BTBD9: variants seen among roughly 807,000 people sequenced by gnomAD.
BTBD9 encodes BTB domain containing 9.
BTBD9 carries 49 observed loss-of-function variants against 64.3 expected under a neutral mutation model. The ratio of observed to expected loss-of-function variants is 0.76; its 90% CI spans 0.61 to 0.97. BTBD9 has a LOEUF of 0.97. Among genes scored for constraint, BTBD9 ranks in the 50% least tolerant of loss-of-function variants. The pLI is 0.00. For synonymous variants in BTBD9, 260 were observed against 274.7 expected (o/e 0.95, Z 0.53); for missense variants, 598 against 762.1 (o/e 0.78, Z 2.53).
chr6:38,594,411 T>C (rs763292857), intron 2 of BTBD9, 84 bp from the exon 3 acceptor site: 1 of 1,437,484 alleles, frequency 7.0e-7, no homozygotes, highest in Non-Finnish European at 9.2e-7. Flanking sequence ...ATCAACATTA[T>C]GCAAATATAA....
At chr6:38,444,116 C>A (rs184520006) in intron 6 of BTBD9, among the ~76,000 whole-genome samples, 107 of 152,278 alleles carry the variant, frequency 7.0e-4, no homozygotes, top group African/African-American at 2.5e-3. Flanking sequence ...TCCTTATCTA[C>A]CTCAGCTCTA....
intron 7 of BTBD9, among the ~76,000 whole-genome samples, chr6:38,305,395 T>C (rs928636942): frequency 2.0e-5 from 3 of 152,214 alleles, no homozygotes; most frequent in African/African-American, 7.2e-5. Flanking sequence ...TATTGTTTGA[T>C]GGAGAAAACA....
At chr6:38,554,764 T>C (rs1417649964) in intron 6 of BTBD9, among the ~76,000 whole-genome samples, 4 of 152,138 alleles carry the variant, frequency 2.6e-5, no homozygotes, top group African/African-American at 9.7e-5. Context: ...CAAAAAGGAA[T>C]GGTATCCTCA....
intron 6 of BTBD9, among the ~76,000 whole-genome samples, chr6:38,554,246 G>T (rs766878591): frequency 6.6e-6 from 1 of 152,142 alleles, no homozygotes; most frequent in Non-Finnish European, 1.5e-5. Flanking sequence ...GATTCATGAT[G>T]TGCCTGTCAC....
chr6:38,495,747 C>T (rs1771925769), intron 6 of BTBD9, among the ~76,000 whole-genome samples: 1 of 122,544 alleles, frequency 8.2e-6, no homozygotes, highest in Admixed American at 9.0e-5. Flanking sequence ...GCTCAAATGA[C>T]CGTGCAGGTG....
intron 6 of BTBD9, among the ~76,000 whole-genome samples, chr6:38,390,745 T>C (rs373089215): frequency 6.6e-5 from 10 of 152,250 alleles, no homozygotes; most frequent in East Asian, 5.8e-4. Flanking sequence ...AAGAGGTAGA[T>C]GGTGATGCTT....
intron 7 of BTBD9, among the ~76,000 whole-genome samples, chr6:38,310,471 G>A (rs1762788075): frequency 6.6e-6 from 1 of 151,812 alleles, no homozygotes; most frequent in Non-Finnish European, 1.5e-5. Context: ...ATGTTCTGGG[G>A]GCCAAAATTA....
intron 1 of BTBD9, among the ~76,000 whole-genome samples, chr6:38,625,823 A>G (rs1455476381): frequency 6.6e-6 from 1 of 152,230 alleles, no homozygotes; most frequent in Non-Finnish European, 1.5e-5. Flanking sequence ...CGCTGCCCCT[A>G]AAGGGTAACT....
intron 6 of BTBD9, among the ~76,000 whole-genome samples, chr6:38,397,139 T>C (rs955705385): frequency 6.6e-6 from 1 of 152,206 alleles, no homozygotes; most frequent in Non-Finnish European, 1.5e-5. Flanking sequence ...TGGCTTCAAG[T>C]GATTTGTCTG....
Position 38,395,991 on chromosome 6 carries a change from G to A in BTBD9, c.1155-50898C>T, listed in dbSNP as rs868298283. ...CCCAAAGTGTTGGGATTATAAGCAT[G>A]AGCCACCGCACCTGGCCTTGTTTTA... On this transcript the variant is annotated intron_variant, in intron 6 of 10. Coordinates refer to ENST00000481247, the MANE Select transcript of BTBD9 (RefSeq NM_001099272.2). Among the ~76,000 whole-genome samples the A allele has an allele frequency of 1.2e-4, 18 of 152,156 alleles. 1 individual carries two copies. The highest frequency in any genetic ancestry group is 1.8e-4 in the Non-Finnish European group (12 of 68,030).
chr6:38,287,109 T>TACACAC lies in BTBD9; in HGVS notation c.1454+1157_1454+1162dup, dbSNP rs70981534. Among the ~76,000 whole-genome samples, 261 of 87,030 alleles carry TACACAC rather than the reference T, an allele frequency of 3.0e-3. 1 individual carries two copies. Among genetic ancestry groups the TACACAC allele is most frequent in the Middle Eastern group, 7.6e-3 (1 of 132 alleles). The allele number at this position is 87,030 out of a possible 152,430, so 57.1% of individuals were successfully genotyped here. On this transcript the variant is annotated intron_variant, in intron 8 of 10. Transcript: ENST00000481247. ...AAAAAAAAAAAAAAAAAAAAAAATATACACACACACACACACACACACACA... is the reference window on the plus strand; with the variant it reads ...AAAAAAAAAAAAAAAAAAAAAAATATACACACACACACACACACACACACACACACA...
intron 1 of BTBD9, among the ~76,000 whole-genome samples, chr6:38,630,975 T>C (rs75592883): frequency 0.017 from 2,654 of 152,310 alleles, 59 homozygotes; most frequent in African/African-American, 0.057. Flanking sequence ...TGAGGAAGCA[T>C]TTTTCTTCTA....
At chr6:38,557,964 C>G (rs554699630) in intron 6 of BTBD9, among the ~76,000 whole-genome samples, 1 of 152,236 alleles carries the variant, frequency 6.6e-6, no homozygotes, top group South Asian at 2.1e-4. Flanking sequence ...AGGCCTGCCT[C>G]CAAGAGTTGT....
intron 6 of BTBD9, among the ~76,000 whole-genome samples, chr6:38,433,125 G>A (rs1273718035): frequency 2.0e-5 from 3 of 151,940 alleles, no homozygotes; most frequent in Non-Finnish European, 4.4e-5. Flanking sequence ...TGCACAAACA[G>A]GCCTTCCTCT....
chr6:38,431,237 T>C (rs533742686), intron 6 of BTBD9, among the ~76,000 whole-genome samples: 2 of 152,106 alleles, frequency 1.3e-5, no homozygotes, highest in Non-Finnish European at 2.9e-5. Flanking sequence ...CTATTGCCTC[T>C]TCAATATCTC....
intron 6 of BTBD9, among the ~76,000 whole-genome samples, chr6:38,432,450 G>A (rs911924853): frequency 2.0e-5 from 3 of 152,016 alleles, no homozygotes; most frequent in Admixed American, 1.3e-4. Flanking sequence ...CCATTTGTAA[G>A]ACTAATGAGA....
chr6:38,402,812 A>G (rs1259492202), intron 6 of BTBD9: 1 of 700,772 alleles, frequency 1.4e-6, no homozygotes, highest in Non-Finnish European at 2.6e-6. Flanking sequence ...TCATGCCTAT[A>G]ATACCTGCAC....
rs769629568 is a variant in BTBD9, at chr6:38,594,143, C to T, written c.370G>A (p.Glu124Lys). ...LSLAHKYGFPELEDSTSEYLC... is the reference protein window; with the variant it reads ...LSLAHKYGFPKLEDSTSEYLC... ...TACTCAGAGGTAGAATCCTCTAGCTCTGGAAATCCATATTTATGAGCCAGG... is the reference window on the plus strand; with the variant it reads ...TACTCAGAGGTAGAATCCTCTAGCTTTGGAAATCCATATTTATGAGCCAGG... Residue 124 changes from glutamate (E) to lysine (K), a missense_variant, in exon 3 of 11, where the codon GAG becomes AAG. Physicochemically the swap from Glu to Lys is moderately conservative, Grantham distance 56. Coordinates refer to ENST00000481247, the MANE Select transcript of BTBD9 (RefSeq NM_001099272.2). 6.2e-7 allele frequency: 1 copy of T among 1,614,166 alleles called. No individual in the cohort carries two copies. Among genetic ancestry groups the T allele is most frequent in the East Asian group, 2.2e-5 (1 of 44,878 alleles).
At chr6:38,390,728 C>A (rs115898095) in intron 6 of BTBD9, among the ~76,000 whole-genome samples, 1 of 152,214 alleles carries the variant, frequency 6.6e-6, no homozygotes, top group Non-Finnish European at 1.5e-5. Flanking sequence ...GCTCCACTCT[C>A]ATTACAAAGA....
Sources: allele counts gnomAD v4.1 joint callset (sites outside exome capture counted in the v4.1 genomes callset), GRCh38; gene constraint gnomAD v4.1.1; transcripts MANE v1.5; gene names NCBI Gene and HGNC (gene_info 2026-07-23, HGNC 2026-07-21).